The following RAB30 variants were observed in gnomAD, a reference collection of about 807,000 sequenced individuals.
The protein encoded by RAB30 is ras-related protein Rab-30.
A neutral mutation model predicts 25.1 loss-of-function variants in RAB30; 9 were observed. The ratio of observed to expected loss-of-function variants is 0.36; its 90% confidence interval spans 0.22 to 0.63. RAB30 has a LOEUF of 0.63. Among genes scored for constraint, RAB30 ranks in the 20% least tolerant of loss-of-function variants. RAB30 has a pLI of 0.69. For missense variants in RAB30, 140 were observed against 243.5 expected, an observed-to-expected ratio of 0.58 and a Z score of 2.83; for synonymous variants, 77 against 86.4, an observed-to-expected ratio of 0.89 and a Z score of 0.60.
intron 1 of RAB30, among the ~76,000 whole-genome samples, chr11:83,061,710 CTTTTTTTTTTTT>C (rs569263010): frequency 1.3e-5 from 1 of 79,908 alleles, no homozygotes; most frequent in Non-Finnish European, 2.3e-5. Context: ...TCTTTCTTTT[CTTTTTTTTTTTT>C]TTTTTTTTTT....
intron 1 of RAB30, among the ~76,000 whole-genome samples, chr11:83,063,626 G>A (rs1436130013): frequency 6.6e-6 from 1 of 152,116 alleles, no homozygotes; most frequent in African/African-American, 2.4e-5. Flanking sequence ...CCCCCGTTCT[G>A]TTCACCCTTC....
chr11:82,997,621 T>C (rs1202446589), intron 1 of RAB30: 11 of 325,498 alleles, frequency 3.4e-5, no homozygotes. Context: ...GATAAATCTG[T>C]TTTCTTTCAG....
intron 4 of RAB30, 43 bp downstream of exon 4, chr11:82,987,544 A>G: frequency 6.5e-7 from 1 of 1,547,522 alleles, no homozygotes; most frequent in Non-Finnish European, 8.8e-7. Context: ...TAAATCCTCT[A>G]ATGCCCACAA....
intron 1 of RAB30, among the ~76,000 whole-genome samples, chr11:83,069,589 G>A (rs1858785473): frequency 6.6e-6 from 1 of 152,032 alleles, no homozygotes; most frequent in Non-Finnish European, 1.5e-5. Context: ...GAAAGAGGGG[G>A]GAAAGATCAG....
At chr11:83,032,802 G>A (rs1857898618) in intron 1 of RAB30, among the ~76,000 whole-genome samples, 2 of 152,124 alleles carry the variant, frequency 1.3e-5, no homozygotes, top group Admixed American at 1.3e-4. Flanking sequence ...TACTCTAAAG[G>A]TAAATAGGAA....
intron 1 of RAB30, among the ~76,000 whole-genome samples, chr11:83,061,712 T>TC (rs1262544767): frequency 7.5e-6 from 1 of 134,060 alleles, no homozygotes; most frequent in Non-Finnish European, 1.6e-5. Context: ...TTTCTTTTCT[T>TC]TTTTTTTTTT....
rs534600118 is a variant in RAB30 at position 83,050,561 on chromosome 11, G to C, written c.-9+21130C>G. Among the ~76,000 whole-genome samples, 2 of 152,332 alleles carry C rather than the reference G, an allele frequency of 1.3e-5. 1 individual carries two copies. The highest frequency in any genetic ancestry group is 4.1e-4 in the South Asian group (2 of 4,822). On this transcript the variant is annotated intron_variant, in intron 1 of 4. Coordinates refer to ENST00000527633, the MANE Select transcript of RAB30 (RefSeq NM_001286060.2). ...TGTTTTATTCATTGTTACCTGGCCT[G>C]CAAGTATTTTTTAAATGGACTGAAA... is the stretch of plus-strand genomic sequence containing the variant.
At chr11:83,014,634 A>AAAAGAAAG (rs58927757) in intron 1 of RAB30, among the ~76,000 whole-genome samples, 11,377 of 112,472 alleles carry the variant, frequency 0.1, 668 homozygotes, top group East Asian at 0.14. Flanking sequence ...AGAAGTAAGA[A>AAAAGAAAG]AAAGAAAGAA....
rs1420625402 is a variant in RAB30, at chr11:83,051,487, C to T, written c.-9+20204G>A. Reference sequence around the variant, plus strand: ...CCGTCCATAACTTAAAGAGTTCTAACACAGCCAGGAAGAATGAAGAGCTAT... The same window carrying T: ...CCGTCCATAACTTAAAGAGTTCTAATACAGCCAGGAAGAATGAAGAGCTAT... On this transcript the variant is annotated intron_variant, in intron 1 of 4. Coordinates refer to ENST00000527633, the MANE Select transcript of RAB30 (RefSeq NM_001286060.2). Among the ~76,000 whole-genome samples the T allele has an allele frequency of 2.0e-5, 3 of 152,068 alleles. No individual in the cohort carries two copies. The East Asian group carries it at 5.8e-4, about 29-fold the overall frequency.
intron 1 of RAB30, among the ~76,000 whole-genome samples, chr11:83,027,808 C>T (rs536423136): frequency 3.9e-4 from 60 of 152,242 alleles, no homozygotes; most frequent in Non-Finnish European, 6.3e-4. Context: ...CTCTGCATTC[C>T]CCCCACTCCC....
intron 1 of RAB30, among the ~76,000 whole-genome samples, chr11:83,003,749 T>C (rs1857133404): frequency 6.6e-6 from 1 of 152,026 alleles, no homozygotes; most frequent in South Asian, 2.1e-4. Flanking sequence ...TACACTCGTG[T>C]CTATGTGTAT....
At chr11:83,050,876 T>C (rs1033558023) in intron 1 of RAB30, among the ~76,000 whole-genome samples, 23 of 152,230 alleles carry the variant, frequency 1.5e-4, no homozygotes, top group African/African-American at 4.8e-4. Flanking sequence ...GTTGGAAAGG[T>C]TGCAGTGAAC....
chr11:82,989,319 T>C (rs1856802458), intron 3 of RAB30, among the ~76,000 whole-genome samples: 2 of 152,226 alleles, frequency 1.3e-5, no homozygotes, highest in Admixed American at 6.5e-5. Flanking sequence ...AATCCATTGC[T>C]GTCACCCTCT....
At chr11:83,063,135 T>C (rs1858621205) in intron 1 of RAB30, among the ~76,000 whole-genome samples, 1 of 152,002 alleles carries the variant, frequency 6.6e-6, no homozygotes, top group Non-Finnish European at 1.5e-5. Flanking sequence ...TTCCCCAGGG[T>C]TCCTGTTAGG....
At position 82,978,196 on chromosome 11, in the gene RAB30, A is replaced by C. The variant is rs1455414045; in HGVS notation, c.*3969T>G. 1 of 152,202 alleles carries C rather than the reference A, an allele frequency of 6.6e-6. No homozygotes were observed. The highest frequency in any genetic ancestry group is 1.5e-5 in the Non-Finnish European group (1 of 68,026). The allele number at this position is 152,202 out of a possible 1,614,324, so 9.4% of individuals were successfully genotyped here. On this transcript the variant is annotated 3_prime_UTR_variant, in exon 5 of 5. Transcript: ENST00000527633. Reference sequence around the variant, plus strand: ...TTGAGAAAAGTAACCAGTTGCAGTTAAAACAACAACAACAACAACAAAAAA... The same window carrying C: ...TTGAGAAAAGTAACCAGTTGCAGTTCAAACAACAACAACAACAACAAAAAA...
chr11:83,015,000 G>A lies in RAB30; in HGVS notation c.-8-17676C>T, dbSNP rs182602025. ...AACTGAAAGAAGGGACACTGAGGCT[G>A]AGCACATGGTCAACAAGAAGAGAAC... On this transcript the variant is annotated intron_variant, in intron 1 of 4. Coordinates refer to ENST00000527633, the MANE Select transcript of RAB30 (RefSeq NM_001286060.2). 2.6e-5 allele frequency among the ~76,000 whole-genome samples: 4 copies of A among 152,306 alleles called. No individual in the cohort carries two copies. The East Asian group carries it at 7.7e-4, about 29-fold the overall frequency.
chr11:83,070,282 C>CT (rs1858804544), intron 1 of RAB30, among the ~76,000 whole-genome samples: 1 of 152,176 alleles, frequency 6.6e-6, no homozygotes, highest in Non-Finnish European at 1.5e-5. Context: ...CCCAATAAAT[C>CT]ACTCTACTAC....
chr11:82,997,041 T>G (rs1158228111), intron 2 of RAB30, among the ~76,000 whole-genome samples, 183 bp downstream of exon 2: 1 of 152,116 alleles, frequency 6.6e-6, no homozygotes, highest in African/African-American at 2.4e-5. Flanking sequence ...TCCCGTGAGG[T>G]GGTTTAAAAA....
chr11:82,973,300 A>T lies in RAB30; in HGVS notation c.*8865T>A, dbSNP rs1181497875. On this transcript the variant is annotated 3_prime_UTR_variant, in exon 5 of 5. Transcript: ENST00000527633. ...TCAGTATGAATTATTTCTTAATAAT[A>T]GAAAACATAGGCTACAATGAATGGA... 6.6e-6 allele frequency: 1 copy of T among 152,262 alleles called. No individual in the cohort carries two copies. The highest frequency in any genetic ancestry group is 1.5e-5 in the Non-Finnish European group (1 of 68,046). The allele number at this position is 152,262 out of a possible 1,614,324, so 9.4% of individuals were successfully genotyped here. A position where few individuals can be genotyped will look rare whatever the true frequency, so the allele number is the denominator to read the frequency against.
Sources: allele counts gnomAD v4.1 joint callset (sites outside exome capture counted in the v4.1 genomes callset), GRCh38; gene constraint gnomAD v4.1.1; transcripts MANE v1.5; gene names NCBI Gene and HGNC (gene_info 2026-07-23, HGNC 2026-07-21).